The following RALGPS1 variants were observed in gnomAD, a reference collection of about 807,000 sequenced individuals.
RALGPS1 encodes ras-specific guanine nucleotide-releasing factor RalGPS1.
In RALGPS1, 19 loss-of-function variants were observed where a neutral mutation model predicts 78.8. The ratio of observed to expected loss-of-function variants is 0.24; its 90% CI spans 0.17 to 0.35. The LOEUF (loss-of-function observed/expected upper bound fraction) is 0.35. Ranked by LOEUF, RALGPS1 falls within the 10% of genes least tolerant of loss-of-function variation. The pLI, the probability that RALGPS1 is intolerant of heterozygous loss-of-function variation, is 1.00. For missense variants in RALGPS1, 454 were observed against 688.3 expected (o/e 0.66, Z 3.81); for synonymous variants, 228 against 256.3 (o/e 0.89, Z 1.06).
At chr9:126,986,827 C>G (rs1016664202) in intron 4 of RALGPS1, among the ~76,000 whole-genome samples, 2 of 152,202 alleles carry the variant, frequency 1.3e-5, no homozygotes, top group African/African-American at 2.4e-5. Flanking sequence ...GGTTGAGTCA[C>G]AGCCTCACCC....
At chr9:126,970,594 T>C (rs975701407) in intron 3 of RALGPS1, among the ~76,000 whole-genome samples, 1 of 151,226 alleles carries the variant, frequency 6.6e-6, no homozygotes, top group Non-Finnish European at 1.5e-5. Context: ...ATAGAGATAG[T>C]TGTGGCAAAA....
chr9:126,946,058 C>T (rs10819256), intron 1 of RALGPS1, among the ~76,000 whole-genome samples: 26,223 of 151,988 alleles, frequency 0.17, 2,943 homozygotes, highest in East Asian at 0.43. Context: ...GCGTAAGAGG[C>T]TTTCACGGTA....
chr9:127,104,793 T>C (rs1032650511), intron 8 of RALGPS1, among the ~76,000 whole-genome samples: 1 of 152,238 alleles, frequency 6.6e-6, no homozygotes, highest in Non-Finnish European at 1.5e-5. Context: ...GTGAAAGGTT[T>C]GGAAGCTGCC....
intron 1 of RALGPS1, among the ~76,000 whole-genome samples, chr9:126,920,344 G>A (rs2034630899): frequency 6.6e-6 from 1 of 152,146 alleles, no homozygotes; most frequent in South Asian, 2.1e-4. Context: ...CTAGGTGTAG[G>A]CTTTGGGTAT....
intron 1 of RALGPS1, among the ~76,000 whole-genome samples, chr9:126,947,861 C>G (rs569160292): frequency 6.6e-6 from 1 of 152,340 alleles, no homozygotes; most frequent in East Asian, 1.9e-4. Context: ...CCTACTATTA[C>G]TCAAATATAT....
intron 14 of RALGPS1, among the ~76,000 whole-genome samples, chr9:127,199,289 C>G (rs1422930387): frequency 6.6e-6 from 1 of 152,192 alleles, no homozygotes; most frequent in Non-Finnish European, 1.5e-5. Flanking sequence ...AGCCCCATGC[C>G]TCCCCTGATC....
At chr9:127,048,487 AAGGTCTGGGCTCCCAGTGC>A (rs2135278952) in intron 5 of RALGPS1, among the ~76,000 whole-genome samples, 1 of 152,292 alleles carries the variant, frequency 6.6e-6, no homozygotes. Context: ...CAATTTCAGG[AAGGTCTGGGCTCCCAGTGC>A]CTGGAGCCCA....
At chr9:127,144,621 T>C (rs919729446) in intron 8 of RALGPS1, among the ~76,000 whole-genome samples, 2 of 152,110 alleles carry the variant, frequency 1.3e-5, no homozygotes, top group African/African-American at 2.4e-5. Context: ...AAAGGATGAA[T>C]AGATAAACAA....
intron 8 of RALGPS1, among the ~76,000 whole-genome samples, chr9:127,085,857 G>A (rs4837129): frequency 0.18 from 26,673 of 152,096 alleles, 3,117 homozygotes; most frequent in East Asian, 0.45. Flanking sequence ...GGTGACTATA[G>A]TCTGGGCCAA....
At chr9:127,192,938 C>T (rs1040064411) in intron 11 of RALGPS1, among the ~76,000 whole-genome samples, 4 of 152,116 alleles carry the variant, frequency 2.6e-5, no homozygotes, top group African/African-American at 7.2e-5. Flanking sequence ...AGGAGGCTGA[C>T]GAGCCTTCAT....
At chr9:126,989,990 G>A (rs1451179515) in intron 4 of RALGPS1, 1 of 1,550,444 alleles carries the variant, frequency 6.4e-7, no homozygotes, top group Non-Finnish European at 8.7e-7. Flanking sequence ...CTGCCTGTGG[G>A]TCCAGGAACC....
intron 14 of RALGPS1, among the ~76,000 whole-genome samples, chr9:127,200,254 C>T (rs1309049353): frequency 6.6e-6 from 1 of 152,248 alleles, no homozygotes; most frequent in Non-Finnish European, 1.5e-5. Flanking sequence ...CTAGCAACTC[C>T]TCCCAGGGCA....
At chr9:126,983,497 A>T (rs1029196509) in intron 4 of RALGPS1, among the ~76,000 whole-genome samples, 2 of 152,172 alleles carry the variant, frequency 1.3e-5, no homozygotes, top group African/African-American at 2.4e-5. Context: ...TTCTACCATA[A>T]TCACAATAGC....
chr9:127,004,827 C>G (rs2043682233), intron 4 of RALGPS1, among the ~76,000 whole-genome samples: 1 of 152,154 alleles, frequency 6.6e-6, no homozygotes, highest in Non-Finnish European at 1.5e-5. Context: ...GGAGCATCCA[C>G]CTCCAGAAGA....
At position 126,969,690 on chromosome 9, in the gene RALGPS1, C is replaced by T. The variant is rs965179350; in HGVS notation, c.165+3739C>T. Among the ~76,000 whole-genome samples the T allele has an allele frequency of 2.0e-5, 3 of 152,302 alleles. No homozygotes were observed. The South Asian group carries it at 6.2e-4, about 32-fold the overall frequency. ...AAAAATCCCTTTCTAGCTGTTTACC[C>T]TGTGGAATGGCAGAGAGTTAGACTG... On this transcript the variant is annotated intron_variant, in intron 3 of 18. Coordinates refer to ENST00000259351, the MANE Select transcript of RALGPS1 (RefSeq NM_014636.3).
intron 1 of RALGPS1, among the ~76,000 whole-genome samples, chr9:126,949,294 G>A (rs1251129134): frequency 6.6e-6 from 1 of 152,172 alleles, no homozygotes; most frequent in African/African-American, 2.4e-5. Flanking sequence ...TGTCTTTATA[G>A]CAGCATGATT....
intron 7 of RALGPS1, among the ~76,000 whole-genome samples, chr9:127,054,995 TTGAGAGAGAGAG>T (rs2048598989): frequency 1.5e-5 from 1 of 66,078 alleles, no homozygotes; most frequent in Admixed American, 1.5e-4. Flanking sequence ...GAGAGATTGA[TTGAGAGAGAGAG>T]AGAGAGAGAG....
At chr9:126,956,086 G>A (rs753174280) in intron 1 of RALGPS1, among the ~76,000 whole-genome samples, 2 of 152,138 alleles carry the variant, frequency 1.3e-5, no homozygotes, top group Non-Finnish European at 1.5e-5. Flanking sequence ...GTCTACTCCC[G>A]AGGGTGTGGC....
chr9:127,104,260 G>A (rs1389889494), intron 8 of RALGPS1, among the ~76,000 whole-genome samples: 1 of 152,214 alleles, frequency 6.6e-6, no homozygotes, highest in Non-Finnish European at 1.5e-5. Context: ...GGCAGCTGCT[G>A]TTGGCGCTGT....
Sources: gnomAD v4.1 joint callset for allele counts (sites outside exome capture counted in the v4.1 genomes callset) on GRCh38, gnomAD v4.1.1 for gene constraint, MANE v1.5 for transcripts, NCBI Gene and HGNC (gene_info 2026-07-23, HGNC 2026-07-21) for gene names.